The following RALYL variants were observed in gnomAD, a reference collection of about 807,000 sequenced individuals.
The protein encoded by RALYL is RALY RNA binding protein like, also known as RNA-binding Raly-like protein.
RALYL carries 29 observed loss-of-function variants against 35.1 expected under a neutral mutation model. That is an observed-to-expected ratio of 0.83 (90% confidence interval 0.61 to 1.13). The LOEUF is 1.13. Ranked by LOEUF, RALYL falls within the 50% of genes most tolerant of loss-of-function variation. The pLI is 0.00. For synonymous variants in RALYL, 120 were observed against 127.6 expected, an observed-to-expected ratio of 0.94 and a Z score of 0.40; for missense variants, 359 against 360.4, an observed-to-expected ratio of 1.00 and a Z score of 0.03.
intron 2 of RALYL, among the ~76,000 whole-genome samples, chr8:84,563,612 C>T (rs1307630182): frequency 2.0e-5 from 3 of 151,368 alleles, no homozygotes; most frequent in Admixed American, 6.6e-5. Context: ...GCACAGCGAA[C>T]CTAGATCTTT....
At chr8:84,632,421 G>A (rs2131261508) in intron 2 of RALYL, among the ~76,000 whole-genome samples, 1 of 151,930 alleles carries the variant, frequency 6.6e-6, no homozygotes, top group Non-Finnish European at 1.5e-5. Context: ...AATATTAGAA[G>A]TCCATTCTAG....
chr8:84,449,681 C>G (rs746543696), intron 1 of RALYL, among the ~76,000 whole-genome samples: 4 of 151,908 alleles, frequency 2.6e-5, no homozygotes, highest in Non-Finnish European at 4.4e-5. Context: ...TTTAGTAAAT[C>G]TCAACTGAGA....
At chr8:84,609,685 A>G (rs549332311) in intron 2 of RALYL, among the ~76,000 whole-genome samples, 1 of 152,292 alleles carries the variant, frequency 6.6e-6, no homozygotes, top group Non-Finnish European at 1.5e-5. Flanking sequence ...CTCTGCATAC[A>G]GTTTCTTCTA....
chr8:84,835,202 A>T (rs1831702945), intron 4 of RALYL, among the ~76,000 whole-genome samples: 1 of 152,212 alleles, frequency 6.6e-6, no homozygotes, highest in African/African-American at 2.4e-5. Flanking sequence ...GCTAACAAAA[A>T]TAAATCTATA....
chr8:84,641,575 C>T (rs1267427729), intron 2 of RALYL, among the ~76,000 whole-genome samples: 1 of 151,742 alleles, frequency 6.6e-6, no homozygotes, highest in Non-Finnish European at 1.5e-5. Context: ...CTCAATTTTT[C>T]CATTTTTACC....
intron 3 of RALYL, among the ~76,000 whole-genome samples, chr8:84,804,022 T>C (rs955960986): frequency 2.0e-5 from 3 of 152,176 alleles, no homozygotes; most frequent in African/African-American, 7.2e-5. Context: ...CTAGGAACTA[T>C]TTAGAAGTGG....
At chr8:84,665,216 T>G (rs775886014) in intron 2 of RALYL, among the ~76,000 whole-genome samples, 2 of 152,166 alleles carry the variant, frequency 1.3e-5, no homozygotes, top group Admixed American at 6.5e-5. Context: ...GGATTTGGTT[T>G]GCCAGTATTT....
chr8:84,470,497 C>G (rs537218067), intron 1 of RALYL, among the ~76,000 whole-genome samples: 2 of 150,542 alleles, frequency 1.3e-5, no homozygotes, highest in South Asian at 2.1e-4. Flanking sequence ...CCAAAAAAAG[C>G]CTTTTTGAGC....
intron 2 of RALYL, among the ~76,000 whole-genome samples, chr8:84,716,408 T>G (rs772058922): frequency 4.8e-4 from 73 of 152,144 alleles, no homozygotes; most frequent in Non-Finnish European, 8.7e-4. Context: ...TAGACAAAAA[T>G]CAGAAAAGGT....
chr8:84,196,581 T>A (rs1815334865), intron 1 of RALYL, among the ~76,000 whole-genome samples: 2 of 152,230 alleles, frequency 1.3e-5, no homozygotes, highest in African/African-American at 4.8e-5. Context: ...TTGTATTGTA[T>A]ACTTAACAGC....
intron 1 of RALYL, among the ~76,000 whole-genome samples, chr8:84,217,664 A>G (rs1821154636): frequency 6.6e-6 from 1 of 152,102 alleles, no homozygotes. Flanking sequence ...TGTAGTGGGA[A>G]TTCTCAAATC....
chr8:84,395,468 TG>T (rs1415805638), intron 1 of RALYL, among the ~76,000 whole-genome samples: 1 of 151,944 alleles, frequency 6.6e-6, no homozygotes, highest in Non-Finnish European at 1.5e-5. Flanking sequence ...GTTATCTTTT[TG>T]TAAAGAGTGC....
At chr8:84,497,104 C>T (rs1250509249) in intron 1 of RALYL, among the ~76,000 whole-genome samples, 2 of 152,070 alleles carry the variant, frequency 1.3e-5, no homozygotes, top group African/African-American at 4.8e-5. Flanking sequence ...GGCCGCTTAC[C>T]ATCCATGAAA....
chr8:84,623,060 A>G (rs987820198), intron 2 of RALYL, among the ~76,000 whole-genome samples: 2 of 152,198 alleles, frequency 1.3e-5, no homozygotes, highest in Non-Finnish European at 2.9e-5. Context: ...ATTATAATAG[A>G]CACAATTCTC....
intron 2 of RALYL, among the ~76,000 whole-genome samples, chr8:84,557,996 C>G (rs1261332071): frequency 6.6e-6 from 1 of 152,210 alleles, no homozygotes; most frequent in Non-Finnish European, 1.5e-5. Context: ...TTTCGTGATC[C>G]ATCCCATTAA....
At chr8:84,601,624 A>G (rs952148534) in intron 2 of RALYL, among the ~76,000 whole-genome samples, 2 of 150,226 alleles carry the variant, frequency 1.3e-5, no homozygotes, top group East Asian at 2.0e-4. Flanking sequence ...CAACATGAGA[A>G]AAAAAAAAAA....
intron 2 of RALYL, among the ~76,000 whole-genome samples, chr8:84,556,619 T>C (rs546911372): frequency 1.3e-5 from 2 of 152,364 alleles, no homozygotes; most frequent in South Asian, 2.1e-4. Context: ...AATGACTTTT[T>C]GTAGACAGAG....
At chr8:84,831,646 A>G (rs1830948496) in intron 4 of RALYL, among the ~76,000 whole-genome samples, 1 of 152,162 alleles carries the variant, frequency 6.6e-6, no homozygotes, top group Admixed American at 6.5e-5. Flanking sequence ...GGAAAATTTG[A>G]CATTTAAAAA....
At chr8:84,401,811 C>T (rs1001237057) in intron 1 of RALYL, among the ~76,000 whole-genome samples, 1 of 151,470 alleles carries the variant, frequency 6.6e-6, no homozygotes, top group African/African-American at 2.4e-5. Flanking sequence ...GCCTGACAGA[C>T]ATTGCAGTAA....
Sources: allele counts gnomAD v4.1 joint callset (sites outside exome capture counted in the v4.1 genomes callset), GRCh38; gene constraint gnomAD v4.1.1; transcripts MANE v1.5; gene names NCBI Gene and HGNC (gene_info 2026-07-23, HGNC 2026-07-21).